ZSCAN5A: variants seen among roughly 807,000 people sequenced by gnomAD.
ZSCAN5A encodes the protein zinc finger and SCAN domain containing 5A.
A neutral mutation model predicts 23.7 loss-of-function variants in ZSCAN5A; 12 were observed. That is an observed-to-expected ratio of 0.51 (90% CI 0.32 to 0.82). The LOEUF (loss-of-function observed/expected upper bound fraction) is 0.82, where lower values mean the gene tolerates loss of function less well. Among genes scored for constraint, ZSCAN5A ranks in the 40% least tolerant of loss-of-function variants. ZSCAN5A has a pLI of 0.03. For missense variants in ZSCAN5A, 597 were observed against 617.9 expected, an observed-to-expected ratio of 0.97 and a Z score of 0.36; for synonymous variants, 257 against 239.9, an observed-to-expected ratio of 1.07 and a Z score of -0.66.
intron 2 of ZSCAN5A, among the ~76,000 whole-genome samples, chr19:56,285,663 T>G (rs951475934): frequency 2.6e-5 from 4 of 152,216 alleles, no homozygotes; most frequent in South Asian, 2.1e-4. Flanking sequence ...GTATTTTTAG[T>G]AGAGACAGAA....
rs930792011 is a variant in ZSCAN5A at position 56,362,949 on chromosome 19, T to G, written c.-358+286A>C. Among the ~76,000 whole-genome samples the G allele has an allele frequency of 3.9e-5, 6 of 151,968 alleles. No individual in the cohort carries two copies. In the East Asian group the frequency reaches 1.2e-3, roughly 29 times the overall value. ...AACTGCCTGTACCATTTTTACAACT[T>G]TTTAGTAATCCAAACATATTTTAAA... On this transcript the variant is annotated intron_variant, in intron 2 of 6. Transcript: ENST00000587340.
At chr19:56,239,871 T>C (rs1290232439) in intron 2 of ZSCAN5A, among the ~76,000 whole-genome samples, 1 of 152,204 alleles carries the variant, frequency 6.6e-6, no homozygotes, top group African/African-American at 2.4e-5. Context: ...GATTAAAACT[T>C]GTGGACCTAG....
Position 56,355,825 on chromosome 19 carries a change from T to C in ZSCAN5A, c.-358+7410A>G, listed in dbSNP as rs1035616181. On this transcript the variant is annotated intron_variant, in intron 2 of 6. Transcript: ENST00000587340. The stretch of plus-strand genomic sequence containing the variant: ...CATATGTTTAGGTATTAAGCACCTA[T>C]TATGGGTCAAGGTTTGAATCAGGAT... Among the ~76,000 whole-genome samples, 5 of 148,626 alleles carry C rather than the reference T, an allele frequency of 3.4e-5. 1 individual carries two copies. Among genetic ancestry groups the C allele is most frequent in the Non-Finnish European group, 3.0e-5 (2 of 67,286 alleles).
upstream of ZSCAN5A, among the ~76,000 whole-genome samples, chr19:56,319,498 G>GGAAAAAAAAA (rs752672172): frequency 2.6e-5 from 2 of 78,406 alleles, no homozygotes; most frequent in African/African-American, 9.4e-5. Flanking sequence ...TCCATCTCGG[G>GGAAAAAAAAA]AAAAAAAAAA....
chr19:56,221,687 C>G lies in ZSCAN5A; in HGVS notation c.1379G>C (p.Arg460Pro). The change falls in exon 6 of 6, where the codon CGC (arginine) becomes CCC (proline). Residue 460 changes from arginine to proline, a missense_variant. Arg to Pro is a moderately radical substitution (Grantham distance 103). This residue lies in a region of ZSCAN5A where 87 missense variants were observed against 74.4 expected (regional missense o/e 1.17). Transcript: ENST00000683990. ...GTAGGGTTTCTCTCCGGAGTGGATG[C>G]GCTGGTGCTCCTTCAGGCTCCCCCT... is the stretch of plus-strand genomic sequence containing the variant. ...TYRGSLKEHQ[R>P]IHSGEKPYKC... 1.2e-6 allele frequency: 2 copies of G among 1,614,204 alleles called. No homozygotes were observed. The highest frequency in any genetic ancestry group is 1.7e-6 in the Non-Finnish European group (2 of 1,180,036).
chr19:56,276,057 G>A lies in ZSCAN5A; in HGVS notation c.-128+37226C>T, dbSNP rs78970638. On this transcript the variant is annotated intron_variant, in intron 2 of 5. Coordinates refer to ENST00000683990, the MANE Select transcript of ZSCAN5A (RefSeq NM_001322064.3). ...ATTTCTCTCTCTGCTCCCTGCTCCC[G>A]TTGTGAACTGGCTGGCTGATGCTTT... Among the ~76,000 whole-genome samples the A allele has an allele frequency of 3.4e-4, 52 of 152,246 alleles. 2 individuals carry two copies. The East Asian group carries it at 9.1e-3, about 27-fold the overall frequency.
chr19:56,240,201 A>T (rs771143487), intron 2 of ZSCAN5A, among the ~76,000 whole-genome samples: 5 of 149,446 alleles, frequency 3.3e-5, no homozygotes, highest in Admixed American at 6.6e-5. Flanking sequence ...CATAAAACCA[A>T]ACAAAAAAAA....
chr19:56,222,797 G>C (rs2033424500), intron 4 of ZSCAN5A, 56 bp from the exon 5 acceptor site: 2 of 1,612,358 alleles, frequency 1.2e-6, no homozygotes, highest in Admixed American at 3.4e-5. Flanking sequence ...TGGAAGCAGG[G>C]ACACATCTGT....
intron 2 of ZSCAN5A, among the ~76,000 whole-genome samples, chr19:56,230,001 A>G (rs986698485): frequency 3.9e-5 from 6 of 152,260 alleles, no homozygotes; most frequent in African/African-American, 1.4e-4. Flanking sequence ...AGGTGTTTTT[A>G]TAGATGATAA....
At chr19:56,362,714 CA>C (rs1325707144) in intron 2 of ZSCAN5A, among the ~76,000 whole-genome samples, 2 of 151,452 alleles carry the variant, frequency 1.3e-5, no homozygotes, top group Non-Finnish European at 2.9e-5. Flanking sequence ...CTGAAAAATA[CA>C]AAAAAATTAG....
intron 2 of ZSCAN5A, among the ~76,000 whole-genome samples, chr19:56,310,615 C>G (rs1392586851): frequency 6.6e-6 from 1 of 152,252 alleles, no homozygotes; most frequent in Non-Finnish European, 1.5e-5. Flanking sequence ...CTAAGCTACA[C>G]AGCTGAGATT....
chr19:56,262,447 G>A (rs1318685530), intron 2 of ZSCAN5A, among the ~76,000 whole-genome samples: 1 of 149,228 alleles, frequency 6.7e-6, no homozygotes, highest in Non-Finnish European at 1.5e-5. Context: ...TTGAGACGGA[G>A]TTTTGCTCCT....
intron 2 of ZSCAN5A, among the ~76,000 whole-genome samples, chr19:56,292,357 G>C (rs932437399): frequency 3.9e-5 from 6 of 152,174 alleles, no homozygotes; most frequent in African/African-American, 1.2e-4. Context: ...AGACCTCCTG[G>C]GCTCAAGCGA....
chr19:56,229,614 C>T (rs1034666057), intron 2 of ZSCAN5A, among the ~76,000 whole-genome samples: 9 of 152,212 alleles, frequency 5.9e-5, no homozygotes, highest in African/African-American at 2.2e-4. Context: ...AAATCCTCCC[C>T]TCTGTAAACT....
At chr19:56,326,548 A>C (rs925299114) in intron 2 of ZSCAN5A, among the ~76,000 whole-genome samples, 4 of 151,974 alleles carry the variant, frequency 2.6e-5, no homozygotes, top group African/African-American at 9.7e-5. Context: ...TGACTTTTTA[A>C]TATTCCACAT....
At chr19:56,314,546 G>C (rs764155213) in intron 1 of ZSCAN5A, 135 bp downstream of exon 1, 4 of 152,244 alleles carry the variant, frequency 2.6e-5, no homozygotes, top group Admixed American at 6.6e-5. Flanking sequence ...CCCCGGGCTC[G>C]GTCCTCCCAC....
rs73934782 is a variant in ZSCAN5A at position 56,233,636 on chromosome 19, C to G, written c.-127-8463G>C. Reference sequence around the variant, plus strand: ...CCTTTTTTTTTTTTTTTGGAGATCTCCAACTTTTTTTCACAGCTGCTTAAA... The same window carrying G: ...CCTTTTTTTTTTTTTTTGGAGATCTGCAACTTTTTTTCACAGCTGCTTAAA... On this transcript the variant is annotated intron_variant, in intron 2 of 5. Coordinates refer to ENST00000683990, the MANE Select transcript of ZSCAN5A (RefSeq NM_001322064.3). 9.4e-3 allele frequency among the ~76,000 whole-genome samples: 1,397 copies of G among 148,502 alleles called. 25 individuals carry two copies. Among genetic ancestry groups the G allele is most frequent in the African/African-American group, 0.033 (1,335 of 40,264 alleles).
chr19:56,347,910 A>C (rs2041644661), intron 2 of ZSCAN5A: 1 of 152,418 alleles, frequency 6.6e-6, no homozygotes. Flanking sequence ...GCAGGCTTGC[A>C]ACATCCAGAA....
intron 2 of ZSCAN5A, among the ~76,000 whole-genome samples, chr19:56,345,068 A>T (rs569063604): frequency 6.6e-6 from 1 of 151,916 alleles, no homozygotes; most frequent in East Asian, 1.9e-4. Flanking sequence ...ACACGCCACT[A>T]CAAATCCAGC....
Sources: gnomAD v4.1 joint callset for allele counts (sites outside exome capture counted in the v4.1 genomes callset) on GRCh38, gnomAD v4.1.1 for gene constraint, gnomAD v4.1.1 regional missense constraint, MANE v1.5 for transcripts, NCBI Gene and HGNC (gene_info 2026-07-23, HGNC 2026-07-21) for gene names.